The following FBRSL1 variants were observed in gnomAD, a reference collection of about 807,000 sequenced individuals.
The protein encoded by FBRSL1 is fibrosin-1-like protein.
FBRSL1 carries 51 observed loss-of-function variants against 89.6 expected under a neutral mutation model. The ratio of observed to expected loss-of-function variants is 0.57; its 90% CI spans 0.45 to 0.72. The LOEUF (loss-of-function observed/expected upper bound fraction) is 0.72. Ranked by LOEUF, FBRSL1 falls within the 30% of genes least tolerant of loss-of-function variation. The pLI is 0.00. For synonymous variants in FBRSL1, 779 were observed against 681.1 expected (o/e 1.14, Z -2.24); for missense variants, 1,618 against 1,451.8 (o/e 1.11, Z -1.86).
chr12:132,583,059 C>G lies in FBRSL1; in HGVS notation c.2290C>G (p.Gln764Glu). ...CGTCAGCGGCCTCCTGCTCCGGGCC[C>G]AGAGCGAGCTGGGCCGGTCCGGGGC... ...HPVSGLLLRA[Q>E]SELGRSGAPA... Residue 764 changes from glutamine to glutamate, a missense_variant, in exon 19 of 19, where the codon CAG becomes GAG. By Grantham distance (29) the Gln-to-Glu change is conservative. Transcript: ENST00000680143. The G allele has an allele frequency of 1.4e-6, 2 of 1,447,654 alleles. No homozygotes were observed. The highest frequency in any genetic ancestry group is 1.8e-6 in the Non-Finnish European group (2 of 1,107,360). 89.7% of individuals were successfully genotyped at this position (1,447,654 alleles called of 1,614,324 possible).
At chr12:132,507,239 G>A (rs1359019063) in intron 1 of FBRSL1, 3 of 985,390 alleles carry the variant, frequency 3.0e-6, no homozygotes, top group African/African-American at 3.5e-5. Context: ...CACTGCTGCT[G>A]TTTTCCTCAC....
chr12:132,562,582 C>T lies in FBRSL1; in HGVS notation c.646-4899C>T, dbSNP rs533779714. ...GCTGCAGGACCCCGACCCCGGGGAC[C>T]GCACAGGGTGAGCAGACCAAGTAGC... On this transcript the variant is annotated intron_variant, in intron 5 of 18. Coordinates refer to ENST00000680143, the MANE Select transcript of FBRSL1 (RefSeq NM_001367871.1). 1.4e-4 allele frequency among the ~76,000 whole-genome samples: 22 copies of T among 152,298 alleles called. No homozygotes were observed. The East Asian group carries it at 3.1e-3, about 21-fold the overall frequency.
intron 14 of FBRSL1, among the ~76,000 whole-genome samples, chr12:132,576,564 A>T (rs1431395196): frequency 8.5e-5 from 13 of 152,242 alleles, no homozygotes; most frequent in Non-Finnish European, 4.4e-5. Context: ...CCCAGCTGCC[A>T]TGTGCCAAGT....
intron 6 of FBRSL1, among the ~76,000 whole-genome samples, chr12:132,568,194 C>T (rs117834193): frequency 6.6e-6 from 1 of 152,228 alleles, no homozygotes; most frequent in Non-Finnish European, 1.5e-5. Context: ...CACACCAAGG[C>T]CTAGGCGGGC....
In FBRSL1 at chr12:132,583,019, C is replaced by G. The variant is rs1267279131; in HGVS notation, c.2250C>G (p.Thr750=). 6 of 1,457,214 alleles carry G rather than the reference C, an allele frequency of 4.1e-6. No homozygotes were observed. The South Asian group carries it at 6.6e-5, about 16-fold the overall frequency. The allele number at this position is 1,457,214 out of a possible 1,614,324, so 90.3% of individuals were successfully genotyped here. A position where few individuals can be genotyped will look rare whatever the true frequency, so the allele number is the denominator to read the frequency against. Residue 750 remains threonine (T), a synonymous_variant, in exon 19 of 19, where the codon ACC becomes ACG. Transcript: ENST00000680143. Reference sequence around the variant, plus strand: ...TGCTGAGCCGGGCCTCGCCCGCCACCCCCGCTGGCCACCCCGTCAGCGGCC... The same window carrying G: ...TGCTGAGCCGGGCCTCGCCCGCCACGCCCGCTGGCCACCCCGTCAGCGGCC... The part of the protein sequence containing the change: ...TRLLSRASPA[T]PAGHPVSGLL...
chr12:132,571,670 C>G (rs1348027895), intron 9 of FBRSL1: 7 of 524,942 alleles, frequency 1.3e-5, no homozygotes, highest in Non-Finnish European at 2.1e-5. Flanking sequence ...TGTCCGGTCC[C>G]CAACGTGCCT....
intron 2 of FBRSL1, chr12:132,510,517 A>G (rs2136629214): frequency 3.2e-6 from 4 of 1,231,766 alleles, no homozygotes; most frequent in Non-Finnish European, 4.0e-6. Flanking sequence ...GCAGGGCCCC[A>G]AGGGCCAAGG....
intron 15 of FBRSL1, chr12:132,580,691 C>T (rs529032549): frequency 6.3e-6 from 5 of 799,666 alleles, no homozygotes; most frequent in East Asian, 1.3e-4. Context: ...CAACTTGCCG[C>T]GTCCTACATG....
At chr12:132,572,492 G>C in intron 10 of FBRSL1, 35 bp from the exon 11 acceptor site, 1 of 1,517,006 alleles carries the variant, frequency 6.6e-7, no homozygotes, top group Non-Finnish European at 9.0e-7. Context: ...GTGAGGACTT[G>C]GGCCCCCCCT....
At chr12:132,510,754 C>T (rs2034240809) in intron 2 of FBRSL1, 2 of 1,188,054 alleles carry the variant, frequency 1.7e-6, no homozygotes, top group Admixed American at 4.5e-5. Context: ...GTGCCCCCAC[C>T]CGCGTTGCTG....
chr12:132,531,007 G>A (rs1047970621), intron 4 of FBRSL1, among the ~76,000 whole-genome samples: 43 of 136,380 alleles, frequency 3.2e-4, no homozygotes, highest in Non-Finnish European at 5.8e-4. Context: ...GGGGGGGGGT[G>A]CAGGTGAGAG....
rs1369737829 is a variant in FBRSL1 at position 132,517,071 on chromosome 12, CG to C, written c.490-8661del. Among the ~76,000 whole-genome samples the C allele has an allele frequency of 1.3e-4, 20 of 152,350 alleles. No individual in the cohort carries two copies. The South Asian group carries it at 3.7e-3, about 28-fold the overall frequency. On this transcript the variant is annotated intron_variant, in intron 2 of 18. Transcript: ENST00000680143. ...AGACGCTAGAGGCTTATCTTTGTCC[CG>C]GTTGCCAGGCAAGGGTCCTCCTGTG...
At position 132,574,578 on chromosome 12, in the gene FBRSL1, G is replaced by A; in HGVS notation, c.1701+14G>A. 6 of 1,547,446 alleles carry A rather than the reference G, an allele frequency of 3.9e-6. No homozygotes were observed. Among genetic ancestry groups the A allele is most frequent in the Non-Finnish European group, 5.2e-6 (6 of 1,146,044 alleles). The stretch of plus-strand genomic sequence containing the variant: ...CAGAAGATAAAGGTGAGACCACCTG[G>A]GCTGGGGCAGGGCGCTTGTGAACCC... On this transcript the variant is annotated intron_variant, in intron 14 of 18. Transcript: ENST00000680143.
chr12:132,534,835 C>G (rs2137076341), intron 4 of FBRSL1, among the ~76,000 whole-genome samples: 1 of 152,362 alleles, frequency 6.6e-6, no homozygotes, highest in East Asian at 1.9e-4. Context: ...GTCAGAGCCC[C>G]CCAGCCCAGC....
intron 4 of FBRSL1, among the ~76,000 whole-genome samples, chr12:132,547,702 G>A (rs1219134936): frequency 1.3e-5 from 2 of 152,236 alleles, no homozygotes; most frequent in Non-Finnish European, 2.9e-5. Flanking sequence ...GGTCTGGCCA[G>A]TGAGGGCTCC....
At chr12:132,528,699 G>A (rs540270208) in intron 4 of FBRSL1, among the ~76,000 whole-genome samples, 12 of 151,572 alleles carry the variant, frequency 7.9e-5, no homozygotes, top group Non-Finnish European at 1.8e-4. Flanking sequence ...GTGTGTGCCT[G>A]AGAGAAGCAG....
At chr12:132,573,518 G>C (rs116072613) in intron 11 of FBRSL1, among the ~76,000 whole-genome samples, 3,448 of 152,238 alleles carry the variant, frequency 0.023, 131 homozygotes, top group African/African-American at 0.079. Flanking sequence ...ACTGGGACTC[G>C]GGGGTACTGC....
intron 2 of FBRSL1, among the ~76,000 whole-genome samples, chr12:132,512,799 C>A (rs1456618300): frequency 6.6e-6 from 1 of 152,206 alleles, no homozygotes; most frequent in Non-Finnish European, 1.5e-5. Flanking sequence ...CTGAGGAGAG[C>A]TGGAAACTGC....
chr12:132,582,711 A>T (rs1476129811), intron 18 of FBRSL1, among the ~76,000 whole-genome samples: 2 of 152,024 alleles, frequency 1.3e-5, no homozygotes, highest in African/African-American at 4.8e-5. Flanking sequence ...CTGTCCTAAC[A>T]GGGAGGGGCC....
Sources: gnomAD v4.1 joint callset for allele counts (sites outside exome capture counted in the v4.1 genomes callset) on GRCh38, gnomAD v4.1.1 for gene constraint, MANE v1.5 for transcripts, NCBI Gene and HGNC (gene_info 2026-07-23, HGNC 2026-07-21) for gene names.